Variants in FLRT2 observed in about 807,000 individuals in gnomAD.
FLRT2 encodes leucine-rich repeat transmembrane protein FLRT2.
FLRT2 carries 15 observed loss-of-function variants against 40.0 expected under a neutral mutation model. The observed-to-expected ratio is 0.38, with a 90% confidence interval of 0.25 to 0.58. The LOEUF is 0.58. Ranked by LOEUF, FLRT2 falls within the 20% of genes least tolerant of loss-of-function variation. The probability of loss-of-function intolerance (pLI) is 0.71; values close to 1 mark genes in which losing one functional copy is unlikely to be tolerated. For missense variants in FLRT2, 726 were observed against 840.0 expected, an observed-to-expected ratio of 0.86 and a Z score of 1.68; for synonymous variants, 380 against 336.8, an observed-to-expected ratio of 1.13 and a Z score of -1.41.
rs561739790 is a variant in FLRT2 at position 85,608,261 on chromosome 14, A to C, written c.-376-12878A>C. Among the ~76,000 whole-genome samples, 3 of 149,890 alleles carry C rather than the reference A, an allele frequency of 2.0e-5. No individual in the cohort carries two copies. The Admixed American group carries it at 2.0e-4, about 10-fold the overall frequency. On this transcript the variant is annotated intron_variant, in intron 1 of 1. Transcript: ENST00000330753. ...TTTTTCTTTTTTGAGACAGAGTCTC[A>C]CTCTGTTGCCCAGGCTGGAGTGCAG...
intron 1 of FLRT2, among the ~76,000 whole-genome samples, chr14:85,575,360 A>G (rs1268202090): frequency 2.0e-5 from 3 of 152,166 alleles, no homozygotes; most frequent in East Asian, 1.9e-4. Flanking sequence ...AAACTCAAAA[A>G]TATCTACTAA....
Position 85,647,907 on chromosome 14 carries a change from A to G in FLRT2, c.*24410A>G, listed in dbSNP as rs1894345798. 6.6e-6 allele frequency: 1 copy of G among 152,144 alleles called. No individual in the cohort carries two copies. Among genetic ancestry groups the G allele is most frequent in the Admixed American group, 6.6e-5 (1 of 15,262 alleles). 9.4% of individuals were successfully genotyped at this position (152,144 alleles called of 1,614,324 possible). A position where few individuals can be genotyped will look rare whatever the true frequency, so the allele number is the denominator to read the frequency against. Reference sequence around the variant, plus strand: ...AGGAAGAGGATAAACAGTGTCATAAACAACTGTGATCTTATGGCCAGTTGC... The same window carrying G: ...AGGAAGAGGATAAACAGTGTCATAAGCAACTGTGATCTTATGGCCAGTTGC... On this transcript the variant is annotated 3_prime_UTR_variant, in exon 2 of 2. Coordinates refer to ENST00000330753, the MANE Select transcript of FLRT2 (RefSeq NM_013231.6).
chr14:85,611,398 G>A (rs543866974), intron 1 of FLRT2, among the ~76,000 whole-genome samples: 2 of 152,110 alleles, frequency 1.3e-5, no homozygotes, highest in Admixed American at 6.5e-5. Flanking sequence ...AGAGGGTTGC[G>A]GGCTAATCCA....
chr14:85,594,250 TA>T (rs1322553645), intron 1 of FLRT2, among the ~76,000 whole-genome samples: 3 of 152,198 alleles, frequency 2.0e-5, no homozygotes, highest in Non-Finnish European at 4.4e-5. Context: ...TGTTATTGCT[TA>T]AATATTAAAC....
intron 1 of FLRT2, among the ~76,000 whole-genome samples, chr14:85,612,804 A>G (rs755217999): frequency 6.6e-6 from 1 of 152,204 alleles, no homozygotes; most frequent in Non-Finnish European, 1.5e-5. Context: ...TTAAGCAATG[A>G]ATTTTTCATT....
At chr14:85,597,749 A>G (rs1892206019) in intron 1 of FLRT2, among the ~76,000 whole-genome samples, 1 of 152,160 alleles carries the variant, frequency 6.6e-6, no homozygotes, top group Non-Finnish European at 1.5e-5. Context: ...TAAGACATTT[A>G]TTTGGTTTAA....
chr14:85,582,183 T>C (rs183039206), intron 1 of FLRT2, among the ~76,000 whole-genome samples: 2 of 152,322 alleles, frequency 1.3e-5, no homozygotes, highest in Admixed American at 1.3e-4. Context: ...GGAGCGTTGA[T>C]AGAATTCTGT....
chr14:85,628,592 T>A lies in FLRT2; in HGVS notation c.*5095T>A, dbSNP rs1893791248. 1 of 152,202 alleles carries A rather than the reference T, an allele frequency of 6.6e-6. No homozygotes were observed. The highest frequency in any genetic ancestry group is 6.6e-5 in the Admixed American group (1 of 15,264). 9.4% of individuals were successfully genotyped at this position (152,202 alleles called of 1,614,324 possible). A position where few individuals can be genotyped will look rare whatever the true frequency, so the allele number is the denominator to read the frequency against. On this transcript the variant is annotated 3_prime_UTR_variant, in exon 2 of 2. Transcript: ENST00000330753. ...ACTTCAATTGATTAGTCTCATATGA[T>A]TTTTCAGAACCCCTTTTGCTAACCC...
chr14:85,623,805 T>G lies in FLRT2; in HGVS notation c.*308T>G, dbSNP rs988974988. The G allele has an allele frequency of 3.9e-6, 1 of 258,270 alleles. No homozygotes were observed. Among genetic ancestry groups the G allele is most frequent in the Non-Finnish European group, 7.8e-6 (1 of 129,022 alleles). The allele number at this position is 258,270 out of a possible 1,614,324, so 16.0% of individuals were successfully genotyped here. A position where few individuals can be genotyped will look rare whatever the true frequency, so the allele number is the denominator to read the frequency against. On this transcript the variant is annotated 3_prime_UTR_variant, in exon 2 of 2. Coordinates refer to ENST00000330753, the MANE Select transcript of FLRT2 (RefSeq NM_013231.6). The stretch of plus-strand genomic sequence containing the variant: ...CCAATGCCAAGGCAAAAAGAACGAG[T>G]GATTTTTCCTTAGGATACACATCAA...
chr14:85,546,827 G>A (rs7156497), intron 1 of FLRT2, among the ~76,000 whole-genome samples: 4,534 of 152,216 alleles, frequency 0.03, 242 homozygotes, highest in African/African-American at 0.1. Flanking sequence ...CAGTGTCACT[G>A]TGTTTTAGAA....
intron 1 of FLRT2, among the ~76,000 whole-genome samples, chr14:85,536,582 G>A (rs920508177): frequency 1.3e-5 from 2 of 150,614 alleles, no homozygotes; most frequent in Non-Finnish European, 2.9e-5. Context: ...TTCTGCTACA[G>A]TGATTCAAAT....
chr14:85,615,753 T>C (rs1367233458), intron 1 of FLRT2, among the ~76,000 whole-genome samples: 1 of 48,428 alleles, frequency 2.1e-5, no homozygotes, highest in South Asian at 4.1e-4. Flanking sequence ...GCTTTCTCAT[T>C]GTATCACTTC....
chr14:85,567,979 T>A (rs1890709583), intron 1 of FLRT2, among the ~76,000 whole-genome samples: 1 of 151,998 alleles, frequency 6.6e-6, no homozygotes, highest in Admixed American at 6.6e-5. Context: ...GAATGTTAAC[T>A]TCCCCTAGAA....
rs182038905 is a variant in FLRT2 at position 85,636,467 on chromosome 14, G to A, written c.*12970G>A. On this transcript the variant is annotated 3_prime_UTR_variant, in exon 2 of 2. Transcript: ENST00000330753. ...CTTTAGTGACAGAAATTCAAACTTCGAGACATGTTTGAAACATTTTATTTC... is the reference window on the plus strand; with the variant it reads ...CTTTAGTGACAGAAATTCAAACTTCAAGACATGTTTGAAACATTTTATTTC... 4.1e-5 allele frequency: 6 copies of A among 147,660 alleles called. No individual in the cohort carries two copies. In the East Asian group the frequency reaches 6.1e-4, roughly 15 times the overall value. The allele number at this position is 147,660 out of a possible 1,614,324, so 9.1% of individuals were successfully genotyped here.
rs201721706 is a variant in FLRT2, at chr14:85,595,756, TA to T, written c.-376-25379del. 5.6e-3 allele frequency among the ~76,000 whole-genome samples: 858 copies of T among 152,304 alleles called. 6 individuals carry two copies. Among genetic ancestry groups the T allele is most frequent in the African/African-American group, 0.02 (827 of 41,570 alleles). On this transcript the variant is annotated intron_variant, in intron 1 of 1. Coordinates refer to ENST00000330753, the MANE Select transcript of FLRT2 (RefSeq NM_013231.6). Reference sequence around the variant, plus strand: ...GCCCTGATACAGAAGGACCCGGAAGTAAAACCCATAGCTATTTCTATAGGGG... The same window carrying T: ...GCCCTGATACAGAAGGACCCGGAAGTAAACCCATAGCTATTTCTATAGGGG...
At chr14:85,572,359 T>C (rs940845795) in intron 1 of FLRT2, among the ~76,000 whole-genome samples, 2 of 152,200 alleles carry the variant, frequency 1.3e-5, no homozygotes, top group Admixed American at 1.3e-4. Flanking sequence ...GGAGCTGCCG[T>C]GTGTACTTTT....
Position 85,630,401 on chromosome 14 carries a change from C to G in FLRT2, c.*6904C>G, listed in dbSNP as rs1489127658. ...TAATAAACCTCAGTATTGGGTCACT[C>G]TTTTCCTAATATAAAAAACTATGCT... On this transcript the variant is annotated 3_prime_UTR_variant, in exon 2 of 2. Transcript: ENST00000330753. The G allele has an allele frequency of 6.8e-6, 1 of 147,394 alleles. No individual in the cohort carries two copies. Among genetic ancestry groups the G allele is most frequent in the African/African-American group, 2.5e-5 (1 of 40,044 alleles). The allele number at this position is 147,394 out of a possible 1,614,324, so 9.1% of individuals were successfully genotyped here. A position where few individuals can be genotyped will look rare whatever the true frequency, so the allele number is the denominator to read the frequency against.
chr14:85,586,872 A>G (rs1012550661), intron 1 of FLRT2, among the ~76,000 whole-genome samples: 8 of 152,178 alleles, frequency 5.3e-5, no homozygotes, highest in African/African-American at 1.7e-4. Context: ...GGGTCATGCT[A>G]TTTCTCAAAG....
intron 1 of FLRT2, among the ~76,000 whole-genome samples, chr14:85,609,322 G>A (rs1329886483): frequency 6.6e-6 from 1 of 152,172 alleles, no homozygotes; most frequent in East Asian, 1.9e-4. Context: ...CCTGATAGGA[G>A]GGGTGTTGGT....
Sources: allele counts gnomAD v4.1 joint callset (sites outside exome capture counted in the v4.1 genomes callset), GRCh38; gene constraint gnomAD v4.1.1; transcripts MANE v1.5; gene names NCBI Gene and HGNC (gene_info 2026-07-23, HGNC 2026-07-21).